Variants in CCDC51 observed in about 807,000 individuals in gnomAD.
The protein encoded by CCDC51 is mitochondrial potassium channel.
Under a neutral mutation model 24.8 loss-of-function variants are expected in CCDC51, and 25 were observed. The ratio of observed to expected loss-of-function variants is 1.01; its 90% CI spans 0.73 to 1.41. The LOEUF is 1.41. Ranked by LOEUF, CCDC51 falls within the 40% of genes most tolerant of loss-of-function variation. The pLI, the probability that CCDC51 is intolerant of heterozygous loss-of-function variation, is 0.00. For synonymous variants in CCDC51, 190 were observed against 204.3 expected, an observed-to-expected ratio of 0.93 and a Z score of 0.60; for missense variants, 466 against 519.1, an observed-to-expected ratio of 0.90 and a Z score of 0.99.
At chr3:48,446,084 G>T in the CCDC51 span, among the ~76,000 whole-genome samples, 1 of 152,068 alleles carries the variant, frequency 6.6e-6, no homozygotes, top group East Asian at 1.9e-4. Flanking sequence ...GCCATTTACA[G>T]GGGGACTTCC....
upstream of CCDC51, among the ~76,000 whole-genome samples, chr3:48,441,764 C>T (rs976556367): frequency 6.6e-6 from 1 of 152,168 alleles, no homozygotes; most frequent in African/African-American, 2.4e-5. Context: ...GTGATTATTT[C>T]CTCCACAGTT....
Position 48,435,163 on chromosome 3 carries a change from G to T in CCDC51, c.-8-27C>A. ...TGTGAGGGGGACGCCAGACAGGTCAGCTCACAGCTGAGAAAGGCTGGACAT... is the reference window on the plus strand; with the variant it reads ...TGTGAGGGGGACGCCAGACAGGTCATCTCACAGCTGAGAAAGGCTGGACAT... On this transcript the variant is annotated intron_variant, in intron 1 of 3. Transcript: ENST00000395694. This position sits in a 1 kb window ranked among gnomAD's most constrained non-coding sequence, Gnocchi z 4.2. 1 of 1,525,714 alleles carries T rather than the reference G, an allele frequency of 6.6e-7. No individual in the cohort carries two copies. The highest frequency in any genetic ancestry group is 8.8e-7 in the Non-Finnish European group (1 of 1,136,676). 94.5% of individuals were successfully genotyped at this position (1,525,714 alleles called of 1,614,324 possible).
At position 48,440,033 on chromosome 3, in the gene CCDC51, C is replaced by A; in HGVS notation, c.-54G>T. The A allele has an allele frequency of 1.8e-6, 1 of 545,740 alleles. No individual in the cohort carries two copies. Among genetic ancestry groups the A allele is most frequent in the Non-Finnish European group, 3.1e-6 (1 of 318,104 alleles). The allele number at this position is 545,740 out of a possible 1,614,324, so 33.8% of individuals were successfully genotyped here. ...ACGGCCACAGGCCTGGTAGGCCGTCCGGTTAAGTACCCCTCCTACGGTTCC... is the reference window on the plus strand; with the variant it reads ...ACGGCCACAGGCCTGGTAGGCCGTCAGGTTAAGTACCCCTCCTACGGTTCC... On this transcript the variant is annotated 5_prime_UTR_variant, in exon 1 of 4. Transcript: ENST00000395694.
chr3:48,433,842 C>G lies in CCDC51; in HGVS notation c.342G>C (p.Gly114=), dbSNP rs766653208. The G allele has an allele frequency of 4.3e-6, 7 of 1,613,904 alleles. No homozygotes were observed. The South Asian group carries it at 6.6e-5, about 15-fold the overall frequency. ...EAEKVFMVAR[G]LVREAREDLE... ...AGTCCTCCCGAGCCTCTCGGACAAG[C>G]CCTCGAGCCACCATGAACACTTTCT... The change falls in exon 3 of 4, where the codon GGG becomes GGC. Residue 114 remains glycine, a synonymous_variant. Coordinates refer to ENST00000395694, the MANE Select transcript of CCDC51 (RefSeq NM_001256964.2). This position sits in a 1 kb window ranked among gnomAD's most constrained non-coding sequence, Gnocchi z 4.4.
chr3:48,432,324 A>G lies in CCDC51; in HGVS notation c.*84T>C. On this transcript the variant is annotated 3_prime_UTR_variant, in exon 4 of 4. Coordinates refer to ENST00000395694, the MANE Select transcript of CCDC51 (RefSeq NM_001256964.2). ...CAGATTGAGGTTGTACATGCCCCCA[A>G]AGGCTCGCTTCATTGCTACGATTCT... The G allele has an allele frequency of 6.5e-7, 1 of 1,535,430 alleles. No individual in the cohort carries two copies.
Position 48,435,097 on chromosome 3 carries a change from T to A in CCDC51, c.32A>T (p.Gln11Leu). ...TACGTGGGGCACACCCACGATGTGCTGCATGGCAAACCCAGGGCTGCGCCC... is the reference window on the plus strand; with the variant it reads ...TACGTGGGGCACACCCACGATGTGCAGCATGGCAAACCCAGGGCTGCGCCC... MMGRSPGFAM[Q>L]HIVGVPHVLV... Residue 11 changes from glutamine (Q) to leucine (L), a missense_variant, in exon 2 of 4, where the codon CAG becomes CTG. Gln to Leu is a moderately radical substitution (Grantham distance 113). Transcript: ENST00000395694. This position sits in a 1 kb window ranked among gnomAD's most constrained non-coding sequence, Gnocchi z 4.2. 1.2e-6 allele frequency: 2 copies of A among 1,602,590 alleles called. No homozygotes were observed. The highest frequency in any genetic ancestry group is 1.7e-6 in the Non-Finnish European group (2 of 1,173,928).
At chr3:48,441,383 A>T (rs796118577), upstream of CCDC51, among the ~76,000 whole-genome samples, 1 of 150,716 alleles carries the variant, frequency 6.6e-6, no homozygotes, top group Non-Finnish European at 1.5e-5. Context: ...GAGTTTCACC[A>T]TGTTGGCCAA....
rs61740637 is a variant in CCDC51 at position 48,434,887 on chromosome 3, G to C, written c.242C>G (p.Thr81Ser). The C allele has an allele frequency of 3.2e-4, 522 of 1,614,122 alleles. 3 individuals carry two copies. Among genetic ancestry groups the C allele is most frequent in the Non-Finnish European group, 6.0e-5 (71 of 1,180,052 alleles). Residue 81 changes from threonine to serine, a missense_variant, in exon 2 of 4, where the codon ACT becomes AGT. Coordinates refer to ENST00000395694, the MANE Select transcript of CCDC51 (RefSeq NM_001256964.2). The part of the protein sequence containing the change: ...IQQRATSTAK[T>S]WWDRYEEFVG... Reference sequence around the variant, plus strand: ...AAACTCTTCATATCTGTCCCACCAAGTCTTGGCTGTGGAGGTCGCTCGTTG... The same window carrying C: ...AAACTCTTCATATCTGTCCCACCAACTCTTGGCTGTGGAGGTCGCTCGTTG...
chr3:48,435,232 C>CT lies in CCDC51; in HGVS notation c.-8-97_-8-96insA. The stretch of plus-strand genomic sequence containing the variant: ...AGGGACAGTTCTGAACAGACTAATC[C>CT]CCACTCAAATCATCTAAACTGAGCA... On this transcript the variant is annotated intron_variant, in intron 1 of 3. Transcript: ENST00000395694. This position sits in a 1 kb window ranked among gnomAD's most constrained non-coding sequence, Gnocchi z 4.2. 1 of 1,007,092 alleles carries CT rather than the reference C, an allele frequency of 9.9e-7. No homozygotes were observed. Among genetic ancestry groups the CT allele is most frequent in the South Asian group, 1.7e-5 (1 of 57,518 alleles). 62.4% of individuals were successfully genotyped at this position (1,007,092 alleles called of 1,614,324 possible).
Position 48,432,406 on chromosome 3 carries a change from G to A in CCDC51, c.*2C>T. 6.2e-7 allele frequency: 1 copy of A among 1,613,842 alleles called. No individual in the cohort carries two copies. The highest frequency in any genetic ancestry group is 8.5e-7 in the Non-Finnish European group (1 of 1,179,744). ...CAGACCCTCTGGAGGAGGGGCCAGGGGTTAGCTGGCTTTGAATAGCATGTA... is the reference window on the plus strand; with the variant it reads ...CAGACCCTCTGGAGGAGGGGCCAGGAGTTAGCTGGCTTTGAATAGCATGTA... On this transcript the variant is annotated 3_prime_UTR_variant, in exon 4 of 4. Coordinates refer to ENST00000395694, the MANE Select transcript of CCDC51 (RefSeq NM_001256964.2).
At chr3:48,443,946 C>T (rs1298121859), upstream of CCDC51, 23 of 1,221,614 alleles carry the variant, frequency 1.9e-5, no homozygotes, top group Non-Finnish European at 2.5e-5. Context: ...CCTCTCTATT[C>T]CCTGCCATAA....
Position 48,437,700 on chromosome 3 carries a change from C to T in CCDC51, c.-9+2288G>A, listed in dbSNP as rs905380282. Among the ~76,000 whole-genome samples, 1 of 152,254 alleles carries T rather than the reference C, an allele frequency of 6.6e-6. No homozygotes were observed. Among genetic ancestry groups the T allele is most frequent in the African/African-American group, 2.4e-5 (1 of 41,546 alleles). On this transcript the variant is annotated intron_variant, in intron 1 of 3. Coordinates refer to ENST00000395694, the MANE Select transcript of CCDC51 (RefSeq NM_001256964.2). This position sits in a 1 kb window ranked among gnomAD's most constrained non-coding sequence, Gnocchi z 4.2. ...CTCTATCATCTGTTCCTCATCTTCA[C>T]TTCCAGCTGATGGTCTGCTTGCTTC...
rs1215997826 is a variant in CCDC51, at chr3:48,433,687, C to G, written c.477+20G>C. ...GGGTCACTGTCCAGGTGCGAAAGGG[C>G]TGCCTCCTGAGGTGCCTACCTGCAG... On this transcript the variant is annotated intron_variant, in intron 3 of 3. Transcript: ENST00000395694. This position sits in a 1 kb window ranked among gnomAD's most constrained non-coding sequence, Gnocchi z 4.4. 2 of 1,606,408 alleles carry G rather than the reference C, an allele frequency of 1.2e-6. No homozygotes were observed. Among genetic ancestry groups the G allele is most frequent in the Non-Finnish European group, 1.7e-6 (2 of 1,175,254 alleles).
rs930556681 is a variant in CCDC51 at position 48,435,118 on chromosome 3, C to T, written c.11G>A (p.Arg4His). 8.2e-6 allele frequency: 13 copies of T among 1,580,004 alleles called. No homozygotes were observed. The highest frequency in any genetic ancestry group is 1.3e-5 in the African/African-American group (1 of 74,106). MMG[R>H]SPGFAMQHIV... is the part of the protein sequence containing the mutation. ...GTGCTGCATGGCAAACCCAGGGCTGCGCCCCATCATCCTGAGATCTGTGAG... is the reference window on the plus strand; with the variant it reads ...GTGCTGCATGGCAAACCCAGGGCTGTGCCCCATCATCCTGAGATCTGTGAG... Residue 4 changes from arginine (R) to histidine (H), a missense_variant, in exon 2 of 4, where the codon CGC (arginine) becomes CAC (histidine). Arg to His is a conservative substitution (Grantham distance 29). Transcript: ENST00000395694. The surrounding 1 kb of genome is among the most constrained non-coding windows in gnomAD (Gnocchi z 4.2).
rs935848605 is a variant in CCDC51 at position 48,434,026 on chromosome 3, A to G, written c.313-155T>C. On this transcript the variant is annotated intron_variant, in intron 2 of 3. Transcript: ENST00000395694. The stretch of plus-strand genomic sequence containing the variant: ...CTTAGACACTAATCCTGGCTCACCC[A>G]GTGGTGCTCAAAGTGCAGCCTTGGG... 1.1e-5 allele frequency: 16 copies of G among 1,418,764 alleles called. No individual in the cohort carries two copies. The African/African-American group carries it at 2.0e-4, about 18-fold the overall frequency. 87.9% of individuals were successfully genotyped at this position (1,418,764 alleles called of 1,614,324 possible).
In CCDC51 at chr3:48,440,007, C is replaced by G. The variant is rs1355739297; in HGVS notation, c.-28G>C. On this transcript the variant is annotated 5_prime_UTR_variant, in exon 1 of 4. Transcript: ENST00000395694. Reference sequence around the variant, plus strand: ...GTCTACCTGCAGTGCTCTTCCCGCGCACGGCCACAGGCCTGGTAGGCCGTC... The same window carrying G: ...GTCTACCTGCAGTGCTCTTCCCGCGGACGGCCACAGGCCTGGTAGGCCGTC... 1 of 496,040 alleles carries G rather than the reference C, an allele frequency of 2.0e-6. No homozygotes were observed. Among genetic ancestry groups the G allele is most frequent in the Non-Finnish European group, 3.5e-6 (1 of 282,524 alleles). The allele number at this position is 496,040 out of a possible 1,614,324, so 30.7% of individuals were successfully genotyped here. A position where few individuals can be genotyped will look rare whatever the true frequency, so the allele number is the denominator to read the frequency against.
At chr3:48,439,565 G>A (rs2039485849) in intron 1 of CCDC51, among the ~76,000 whole-genome samples, 1 of 152,110 alleles carries the variant, frequency 6.6e-6, no homozygotes, top group Non-Finnish European at 1.5e-5. Flanking sequence ...CCAGGAAGCA[G>A]AGGTTGCAGT....
chr3:48,433,834 C>G lies in CCDC51; in HGVS notation c.350G>C (p.Arg117Pro). Residue 117 changes from arginine (R) to proline (P), a missense_variant, in exon 3 of 4, where the codon CGA (arginine) becomes CCA (proline). Transcript: ENST00000395694. The surrounding 1 kb of genome is among the most constrained non-coding windows in gnomAD (Gnocchi z 4.4). ...KVFMVARGLV[R>P]EAREDLEVHQ... ...AACTTCCAAGTCCTCCCGAGCCTCT[C>G]GGACAAGCCCTCGAGCCACCATGAA... 1.9e-6 allele frequency: 3 copies of G among 1,614,058 alleles called. No homozygotes were observed. Among genetic ancestry groups the G allele is most frequent in the Non-Finnish European group, 2.5e-6 (3 of 1,179,984 alleles).
upstream of CCDC51, among the ~76,000 whole-genome samples, chr3:48,442,787 C>T (rs1478555479): frequency 1.3e-5 from 2 of 152,166 alleles, no homozygotes; most frequent in Non-Finnish European, 2.9e-5. Flanking sequence ...TACTGCGTTC[C>T]ACATATATGG....
Sources: allele counts gnomAD v4.1 joint callset (sites outside exome capture counted in the v4.1 genomes callset), GRCh38; gene constraint gnomAD v4.1.1; non-coding constraint Gnocchi (gnomAD v3.1); transcripts MANE v1.5; gene names NCBI Gene and HGNC (gene_info 2026-07-23, HGNC 2026-07-21).